The following UNC13A variants were observed in gnomAD, a reference collection of about 807,000 sequenced individuals.
The protein encoded by UNC13A is unc-13 homolog A, also known as protein unc-13 homolog A.
UNC13A carries 61 observed loss-of-function variants against 219.7 expected under a neutral mutation model. The observed-to-expected ratio is 0.28, with a 90% CI of 0.23 to 0.34. The LOEUF (loss-of-function observed/expected upper bound fraction) is 0.34, where lower values mean the gene tolerates loss of function less well. UNC13A is among the 10% of genes least tolerant of loss of function. UNC13A has a pLI of 1.00. For synonymous variants in UNC13A, 920 were observed against 884.6 expected (o/e 1.04, Z -0.71); for missense variants, 1,476 against 2,270.3 (o/e 0.65, Z 7.11).
At chr19:17,648,390 C>T in intron 16 of UNC13A, 41 bp downstream of exon 16, 1 of 1,477,874 alleles carries the variant, frequency 6.8e-7, no homozygotes, top group African/African-American at 1.4e-5. Context: ...CCGGGGCTCC[C>T]CACGCCAACC....
chr19:17,639,375 G>A (rs912169612), intron 24 of UNC13A, 61 bp downstream of exon 24: 2 of 1,578,074 alleles, frequency 1.3e-6, no homozygotes, highest in African/African-American at 1.3e-5. Flanking sequence ...CACTTGTCCT[G>A]GGAGCTGGGG....
chr19:17,640,790 A>G (rs1319436167), intron 21 of UNC13A, 129 bp from the exon 22 acceptor site: 2 of 1,026,358 alleles, frequency 1.9e-6, no homozygotes, highest in Non-Finnish European at 2.7e-6. Flanking sequence ...CCCCTGCCTG[A>G]TTCTGTCCTT....
intron 21 of UNC13A, 83 bp downstream of exon 21, chr19:17,641,310 T>G: frequency 4.0e-5 from 61 of 1,517,796 alleles, no homozygotes; most frequent in African/African-American, 5.5e-5. Context: ...GTCTTCCCCC[T>G]GAGAATCCCT....
chr19:17,630,371 G>A (rs2076830061), intron 29 of UNC13A, 83 bp from the exon 30 acceptor site: 14 of 1,520,976 alleles, frequency 9.2e-6, no homozygotes, highest in Non-Finnish European at 1.2e-5. Flanking sequence ...TCTCCACGGG[G>A]AGAGCCAGAG....
intron 41 of UNC13A, 88 bp downstream of exon 41, chr19:17,617,614 G>A (rs999724583): frequency 9.0e-6 from 14 of 1,554,344 alleles, no homozygotes; most frequent in Admixed American, 1.7e-5. Flanking sequence ...TGACGTCACA[G>A]GGGAGTGAGC....
At chr19:17,658,388 T>C (rs945833467) in intron 8 of UNC13A, 119 bp from the exon 9 acceptor site, 11 of 928,506 alleles carry the variant, frequency 1.2e-5, no homozygotes, top group Non-Finnish European at 1.7e-5. Flanking sequence ...TTTACTAGTA[T>C]GGATAAAGAA....
At chr19:17,657,843 TG>T (rs2079484190) in intron 9 of UNC13A, among the ~76,000 whole-genome samples, 1 of 146,006 alleles carries the variant, frequency 6.8e-6, no homozygotes, top group Admixed American at 7.0e-5. Flanking sequence ...CACTCCAGCC[TG>T]GGTGACAGAG....
At chr19:17,666,199 T>TCTCTC (rs760106069) in intron 7 of UNC13A, among the ~76,000 whole-genome samples, 2 of 144,176 alleles carry the variant, frequency 1.4e-5, no homozygotes, top group Non-Finnish European at 3.0e-5. Flanking sequence ...CTTTCTCTCT[T>TCTCTC]TCTTTCTCTT....
At chr19:17,631,134 T>C (rs928904714) in intron 28 of UNC13A, among the ~76,000 whole-genome samples, 1 of 127,066 alleles carries the variant, frequency 7.9e-6, no homozygotes, top group Non-Finnish European at 1.7e-5. Flanking sequence ...CAAGTGGGTT[T>C]ATTCTCTGAG....
intron 20 of UNC13A, 123 bp from the exon 21 acceptor site, chr19:17,641,679 C>CTATTTTTTTTTTTTTTT: frequency 2.0e-6 from 2 of 1,012,634 alleles, no homozygotes; most frequent in Non-Finnish European, 2.9e-6. Context: ...CATTCATCTA[C>CTATTTTTTTTTTTTTTT]TCTTTTATCC....
At chr19:17,616,529 C>A in intron 41 of UNC13A, 1 of 656,372 alleles carries the variant, frequency 1.5e-6, no homozygotes, top group Admixed American at 2.1e-5. Context: ...GAGAGACGAG[C>A]CAGTGAGAGG....
intron 39 of UNC13A, 131 bp from the exon 40 acceptor site, chr19:17,618,632 C>T (rs768369497): frequency 1.6e-5 from 15 of 909,650 alleles, no homozygotes; most frequent in Non-Finnish European, 1.9e-5. Flanking sequence ...TCCCAGCACC[C>T]AATATGTGAC....
chr19:17,636,652 GAA>G (rs1427314141), intron 25 of UNC13A, among the ~76,000 whole-genome samples: 1 of 151,508 alleles, frequency 6.6e-6, no homozygotes, highest in African/African-American at 2.4e-5. Flanking sequence ...CAAAATAATG[GAA>G]ATAAATCGAC....
At chr19:17,666,791 C>A in intron 6 of UNC13A, 87 bp from the exon 7 acceptor site, 1 of 1,027,040 alleles carries the variant, frequency 9.7e-7, no homozygotes, top group Non-Finnish European at 1.3e-6. Context: ...TGTCCCATCC[C>A]GACTTCCCTC....
intron 41 of UNC13A, among the ~76,000 whole-genome samples, chr19:17,614,981 G>A (rs1568501071): frequency 6.6e-6 from 1 of 152,134 alleles, no homozygotes; most frequent in East Asian, 1.9e-4. Flanking sequence ...AGTGCTGGGT[G>A]CCCCCATCCC....
chr19:17,648,546 G>A lies in UNC13A; in HGVS notation c.1701C>T (p.Cys567=), dbSNP rs374711921. 1.9e-6 allele frequency: 3 copies of A among 1,613,980 alleles called. 1 individual carries two copies. The highest frequency in any genetic ancestry group is 2.5e-6 in the Non-Finnish European group (3 of 1,180,038). Reference sequence around the variant, plus strand: ...CCCACAGCAGCCCCTCGCACTCGTAGCAGTAGGTGGGCGTGGTGGCCGTCC... The same window carrying A: ...CCCACAGCAGCCCCTCGCACTCGTAACAGTAGGTGGGCGTGGTGGCCGTCC... ...EVWTATTPTY[C]YECEGLLWGI... Residue 567 remains cysteine, a synonymous_variant, in exon 16 of 44, where the codon TGC becomes TGT. Transcript: ENST00000519716.
rs202083914 is a variant in UNC13A, at chr19:17,617,662, C to A, written c.4558+40G>T. On this transcript the variant is annotated intron_variant, in intron 41 of 43. Transcript: ENST00000519716. ...TTCAGGCTTGGGGCGGGGCTGTCTCCGCGGAGCGGGAAAGGGTGATGCGGT... is the reference window on the plus strand; with the variant it reads ...TTCAGGCTTGGGGCGGGGCTGTCTCAGCGGAGCGGGAAAGGGTGATGCGGT... 3 of 1,602,828 alleles carry A rather than the reference C, an allele frequency of 1.9e-6. No individual in the cohort carries two copies. In the East Asian group the frequency reaches 6.7e-5, roughly 36 times the overall value.
At chr19:17,647,562 C>A (rs1371039277) in intron 16 of UNC13A, 70 bp from the exon 17 acceptor site, 2 of 1,450,794 alleles carry the variant, frequency 1.4e-6, no homozygotes, top group Non-Finnish European at 1.9e-6. Flanking sequence ...AGGCGAGAGC[C>A]CCGCCCCTAC....
At position 17,647,325 on chromosome 19, in the gene UNC13A, C is replaced by A. The variant is rs2077038136; in HGVS notation, c.1984G>T (p.Ala662Ser). Reference sequence around the variant, plus strand: ...CCGTCCAGCACGCTCTGCTTGACCGCCTTCATCTGCTGCGTGTGCGCCGTC... The same window carrying A: ...CCGTCCAGCACGCTCTGCTTGACCGACTTCATCTGCTGCGTGTGCGCCGTC... ...TKTAHTQQMK[A>S]VKQSVLDGTS... Residue 662 changes from alanine (A) to serine (S), a missense_variant, in exon 17 of 44, where the codon GCG becomes TCG. By Grantham distance (99) the Ala-to-Ser change is moderately conservative (BLOSUM62 1). Transcript: ENST00000519716. 2.5e-6 allele frequency: 4 copies of A among 1,611,232 alleles called. No homozygotes were observed. Among genetic ancestry groups the A allele is most frequent in the African/African-American group, 2.7e-5 (2 of 74,852 alleles).
Sources: gnomAD v4.1 joint callset for allele counts (sites outside exome capture counted in the v4.1 genomes callset) on GRCh38, gnomAD v4.1.1 for gene constraint, MANE v1.5 for transcripts, NCBI Gene and HGNC (gene_info 2026-07-23, HGNC 2026-07-21) for gene names.